The following OLAH variants were observed in gnomAD, a reference collection of about 807,000 sequenced individuals.
The protein encoded by OLAH is S-acyl fatty acid synthase thioesterase, medium chain.
OLAH carries 33 observed loss-of-function variants against 27.8 expected under a neutral mutation model. The ratio of observed to expected loss-of-function variants is 1.19; its 90% confidence interval spans 0.90 to 1.59. The LOEUF is 1.59. Ranked by LOEUF, OLAH falls within the 40% of genes most tolerant of loss-of-function variation. OLAH has a pLI of 0.00. For synonymous variants in OLAH, 120 were observed against 102.9 expected, an observed-to-expected ratio of 1.17 and a Z score of -1.01; for missense variants, 359 against 310.8, an observed-to-expected ratio of 1.16 and a Z score of -1.17.
intron 3 of OLAH, among the ~76,000 whole-genome samples, chr10:15,051,075 A>T (rs993182843): frequency 3.1e-4 from 18 of 58,034 alleles, no homozygotes; most frequent in African/African-American, 1.5e-3. Flanking sequence ...TATTATTATT[A>T]TTATTTTTTT....
intron 3 of OLAH, among the ~76,000 whole-genome samples, chr10:15,050,685 C>CGCCT (rs1217670490): frequency 6.6e-6 from 1 of 151,870 alleles, no homozygotes; most frequent in African/African-American, 2.4e-5. Flanking sequence ...GAACTACAGG[C>CGCCT]GCCTGCCACA....
chr10:15,049,866 A>G, intron 3 of OLAH, 101 bp downstream of exon 3: 1 of 1,112,162 alleles, frequency 9.0e-7, no homozygotes. Flanking sequence ...CTGGTAGGTA[A>G]TTGATAATAA....
chr10:15,063,330 C>T (rs775800975), intron 4 of OLAH, among the ~76,000 whole-genome samples: 3 of 152,098 alleles, frequency 2.0e-5, no homozygotes, highest in Non-Finnish European at 4.4e-5. Flanking sequence ...GGAGTTTCGC[C>T]ATGTTGCCCA....
chr10:15,058,212 G>A (rs1844283720), intron 3 of OLAH, among the ~76,000 whole-genome samples: 1 of 152,060 alleles, frequency 6.6e-6, no homozygotes, highest in Non-Finnish European at 1.5e-5. Context: ...TCAGCTTCTT[G>A]AGTAGCTGGG....
At chr10:15,048,110 A>G (rs1844057062) in intron 2 of OLAH, among the ~76,000 whole-genome samples, 1 of 152,264 alleles carries the variant, frequency 6.6e-6, no homozygotes, top group Non-Finnish European at 1.5e-5. Context: ...AATTGTGGTC[A>G]CAAATGTGTA....
rs570070233 is a variant in OLAH at position 15,066,743 on chromosome 10, C to T, written c.572+990C>T. Among the ~76,000 whole-genome samples, 203 of 152,020 alleles carry T rather than the reference C, an allele frequency of 1.3e-3. 2 individuals carry two copies. The Middle Eastern group carries it at 0.014, about 10-fold the overall frequency. ...GCAACCTCCGTCTTCCAGGTTCAAGCGATTCTCCTGCCTCAGCCTCCCGAG... is the reference window on the plus strand; with the variant it reads ...GCAACCTCCGTCTTCCAGGTTCAAGTGATTCTCCTGCCTCAGCCTCCCGAG... On this transcript the variant is annotated intron_variant, in intron 6 of 7. Coordinates refer to ENST00000378228, the MANE Select transcript of OLAH (RefSeq NM_001039702.3).
At chr10:15,061,350 C>G (rs1025266740) in intron 3 of OLAH, among the ~76,000 whole-genome samples, 1 of 152,182 alleles carries the variant, frequency 6.6e-6, no homozygotes, top group East Asian at 1.9e-4. Context: ...TTAATGCATT[C>G]CAGTGCCTTA....
At chr10:15,039,094 T>C (rs913039), upstream of OLAH, among the ~76,000 whole-genome samples, 40,995 of 151,574 alleles carry the variant, frequency 0.27, 6,168 homozygotes, top group East Asian at 0.5. Flanking sequence ...GGTGTGGTGG[T>C]GTGCACCTCT....
chr10:15,034,102 AT>A (rs374141373), intron 1 of OLAH, among the ~76,000 whole-genome samples: 14,378 of 60,488 alleles, frequency 0.24, 921 homozygotes, highest in South Asian at 0.34. Context: ...AGACTCCACC[AT>A]TTTTTTTTTT....
At chr10:15,053,456 C>T (rs1473188275) in intron 3 of OLAH, among the ~76,000 whole-genome samples, 1 of 152,174 alleles carries the variant, frequency 6.6e-6, no homozygotes, top group Non-Finnish European at 1.5e-5. Flanking sequence ...AAGGGAAAAA[C>T]ACTTTCAGTG....
intron 6 of OLAH, among the ~76,000 whole-genome samples, chr10:15,070,394 A>G (rs1350064993): frequency 6.6e-6 from 1 of 152,156 alleles, no homozygotes; most frequent in Non-Finnish European, 1.5e-5. Flanking sequence ...ACAACCAACT[A>G]GACTTATACC....
At chr10:15,059,584 T>A (rs1844322436) in intron 3 of OLAH, among the ~76,000 whole-genome samples, 1 of 152,132 alleles carries the variant, frequency 6.6e-6, no homozygotes. Flanking sequence ...GGTGGGCAGA[T>A]CACTTGAGGT....
intron 4 of OLAH, among the ~76,000 whole-genome samples, chr10:15,062,629 C>A (rs1307904160): frequency 6.6e-6 from 1 of 151,212 alleles, no homozygotes; most frequent in Non-Finnish European, 1.5e-5. Flanking sequence ...CCATAAATAT[C>A]TTTCACATCC....
intron 6 of OLAH, among the ~76,000 whole-genome samples, chr10:15,066,868 G>A (rs1844479346): frequency 6.6e-6 from 1 of 151,956 alleles, no homozygotes; most frequent in Non-Finnish European, 1.5e-5. Context: ...TCAAACTCCT[G>A]ACCTGAGGTG....
At chr10:15,054,879 T>C (rs1844216868) in intron 3 of OLAH, among the ~76,000 whole-genome samples, 1 of 152,212 alleles carries the variant, frequency 6.6e-6, no homozygotes, top group Non-Finnish European at 1.5e-5. Flanking sequence ...AGTTATAGTG[T>C]TCTTTCGTTT....
At chr10:15,058,594 AT>A (rs1464624303) in intron 3 of OLAH, among the ~76,000 whole-genome samples, 2 of 152,182 alleles carry the variant, frequency 1.3e-5, no homozygotes, top group African/African-American at 4.8e-5. Flanking sequence ...GTGAAAAAAA[AT>A]GTTTAGTAAG....
At chr10:15,036,110 T>C (rs567959610) in intron 1 of OLAH, among the ~76,000 whole-genome samples, 1 of 152,338 alleles carries the variant, frequency 6.6e-6, no homozygotes, top group African/African-American at 2.4e-5. Context: ...GCTGATTAAC[T>C]GTACGTTTAA....
upstream of OLAH, among the ~76,000 whole-genome samples, chr10:15,043,106 C>T (rs184478457): frequency 1.8e-4 from 27 of 151,960 alleles, no homozygotes; most frequent in African/African-American, 5.1e-4. Flanking sequence ...GTGATCCACC[C>T]GCCTTGGCCT....
intron 6 of OLAH, 157 bp from the exon 7 acceptor site, chr10:15,071,638 A>C: frequency 1.0e-6 from 1 of 979,398 alleles, no homozygotes; most frequent in Non-Finnish European, 1.2e-6. Context: ...GCAGGCTTTG[A>C]CAGGTAGAAG....
Sources: allele counts gnomAD v4.1 joint callset (sites outside exome capture counted in the v4.1 genomes callset), GRCh38; gene constraint gnomAD v4.1.1; transcripts MANE v1.5; gene names NCBI Gene and HGNC (gene_info 2026-07-23, HGNC 2026-07-21).